KIT: variants seen among roughly 807,000 people sequenced by gnomAD.
The protein encoded by KIT is mast/stem cell growth factor receptor Kit.
A neutral mutation model predicts 105.7 loss-of-function variants in KIT; 16 were observed. The observed-to-expected ratio is 0.15, with a 90% CI of 0.10 to 0.23. The LOEUF (loss-of-function observed/expected upper bound fraction) is 0.23, where lower values mean the gene tolerates loss of function less well. Ranked by LOEUF, KIT falls within the 10% of genes least tolerant of loss-of-function variation. The pLI, the probability that KIT is intolerant of heterozygous loss-of-function variation, is 1.00. For synonymous variants in KIT, 438 were observed against 441.1 expected, an observed-to-expected ratio of 0.99 and a Z score of 0.09; for missense variants, 858 against 1,213.8, an observed-to-expected ratio of 0.71 and a Z score of 4.36.
rs80160838 is a variant in KIT, at chr4:54,725,650, C to T, written c.1347-207C>T. ...CATCAGGATTCAAACCCGCATCTGA[C>T]TCCGAAGCCTCCTCTGCCTTCTCTT... On this transcript the variant is annotated intron_variant, in intron 8 of 20. Coordinates refer to ENST00000288135, the MANE Select transcript of KIT (RefSeq NM_000222.3). Among the ~76,000 whole-genome samples, 3,511 of 152,230 alleles carry T rather than the reference C, an allele frequency of 0.023. 130 individuals are homozygous for T. Among genetic ancestry groups the T allele is most frequent in the African/African-American group, 0.078 (3,250 of 41,496 alleles).
intron 1 of KIT, among the ~76,000 whole-genome samples, chr4:54,664,900 T>C (rs546336050): frequency 6.6e-6 from 1 of 152,098 alleles, no homozygotes; most frequent in South Asian, 2.1e-4. Context: ...TTTTTTTTTT[T>C]TTTAATAGTA....
Position 54,688,589 on chromosome 4 carries a change from G to A in KIT, c.68-6923G>A, listed in dbSNP as rs145797696. 4.6e-3 allele frequency among the ~76,000 whole-genome samples: 708 copies of A among 152,326 alleles called. 4 individuals carry two copies. Among genetic ancestry groups the A allele is most frequent in the African/African-American group, 0.016 (664 of 41,576 alleles). On this transcript the variant is annotated intron_variant, in intron 1 of 20. Transcript: ENST00000288135. The stretch of plus-strand genomic sequence containing the variant: ...CTTTTGTGAAGGATAGAAAGACCTT[G>A]CAGTCATGGTTGACCTGGGCCAGCC...
chr4:54,708,285 T>C (rs1024145058), intron 6 of KIT, among the ~76,000 whole-genome samples: 1 of 152,076 alleles, frequency 6.6e-6, no homozygotes, highest in African/African-American at 2.4e-5. Context: ...AGGTAGGAAG[T>C]ATCTTTTGCC....
chr4:54,732,045 ATTTTTTTTTT>A (rs71662297), intron 16 of KIT, 47 bp downstream of exon 16: 14 of 888,854 alleles, frequency 1.6e-5, no homozygotes, highest in East Asian at 9.5e-5. Flanking sequence ...TGTTTTTTTG[ATTTTTTTTTT>A]TTTTTTTTTT....
Position 54,699,793 on chromosome 4 carries a change from T to C in KIT, c.756+27T>C, listed in dbSNP as rs1305451594. ...TGAGTGAATCGCTTCATTCTTCTCA[T>C]GTTCTGTCTCTGTGGGAGATGATAA... On this transcript the variant is annotated intron_variant, in intron 4 of 20. Transcript: ENST00000288135. The C allele has an allele frequency of 2.5e-6, 4 of 1,613,164 alleles. No individual in the cohort carries two copies. The South Asian group carries it at 3.3e-5, about 13-fold the overall frequency.
intron 1 of KIT, among the ~76,000 whole-genome samples, chr4:54,682,985 C>T (rs1404253667): frequency 6.6e-6 from 1 of 152,004 alleles, no homozygotes; most frequent in East Asian, 1.9e-4. Flanking sequence ...CTCCTGGTCT[C>T]AAGTGATCCT....
intron 13 of KIT, 151 bp from the exon 14 acceptor site, chr4:54,729,184 G>A (rs1722427646): frequency 2.6e-6 from 2 of 760,662 alleles, no homozygotes; most frequent in South Asian, 3.3e-5. Flanking sequence ...TTGATAAGCA[G>A]TGTTAATATA....
intron 2 of KIT, among the ~76,000 whole-genome samples, chr4:54,697,237 G>A (rs1261059370): frequency 2.0e-5 from 3 of 152,170 alleles, no homozygotes; most frequent in South Asian, 2.1e-4. Flanking sequence ...GAATAAATTA[G>A]TAAGGTTGGG....
At chr4:54,709,222 C>T (rs1720983714) in intron 6 of KIT, among the ~76,000 whole-genome samples, 1 of 152,196 alleles carries the variant, frequency 6.6e-6, no homozygotes, top group African/African-American at 2.4e-5. Context: ...TCTGTGGTCT[C>T]TCACAACAGG....
At chr4:54,659,071 G>C (rs1371710584) in intron 1 of KIT, among the ~76,000 whole-genome samples, 2 of 152,014 alleles carry the variant, frequency 1.3e-5, no homozygotes, top group Admixed American at 6.5e-5. Context: ...ACCTGTATTC[G>C]CAGGTCCTGT....
chr4:54,723,639 G>A lies in KIT; in HGVS notation c.1287G>A (p.Val429=), dbSNP rs563667772. ...DRLVNGMLQC[V]AAGFPEPTID... Reference sequence around the variant, plus strand: ...TCGTGAATGGCATGCTCCAATGTGTGGCAGCAGGATTCCCAGAGCCCACAA... The same window carrying A: ...TCGTGAATGGCATGCTCCAATGTGTAGCAGCAGGATTCCCAGAGCCCACAA... The change falls in exon 8 of 21, where the codon GTG becomes GTA. Residue 429 remains valine (V), a synonymous_variant. Coordinates refer to ENST00000288135, the MANE Select transcript of KIT (RefSeq NM_000222.3). The A allele has an allele frequency of 1.9e-6, 3 of 1,614,114 alleles. No individual in the cohort carries two copies. Among genetic ancestry groups the A allele is most frequent in the Non-Finnish European group, 2.5e-6 (3 of 1,180,008 alleles).
At chr4:54,717,573 G>T (rs952209030) in intron 7 of KIT, among the ~76,000 whole-genome samples, 4 of 152,162 alleles carry the variant, frequency 2.6e-5, no homozygotes, top group Admixed American at 2.0e-4. Context: ...TTCGCTAAAA[G>T]CAGTGAGTGG....
chr4:54,658,930 C>T (rs1717025755), intron 1 of KIT, among the ~76,000 whole-genome samples: 1 of 152,146 alleles, frequency 6.6e-6, no homozygotes, highest in South Asian at 2.1e-4. Flanking sequence ...CTGTGTTTGC[C>T]GCCTGCTCCG....
intron 1 of KIT, among the ~76,000 whole-genome samples, chr4:54,684,504 T>C (rs1320203707): frequency 6.6e-6 from 1 of 152,188 alleles, no homozygotes; most frequent in Non-Finnish European, 1.5e-5. Flanking sequence ...TCCTTCTTTC[T>C]TTATTGCCAT....
Position 54,727,337 on chromosome 4 carries a change from T to A in KIT, c.1647+13T>A. 6.2e-7 allele frequency: 1 copy of A among 1,613,450 alleles called. No individual in the cohort carries two copies. The highest frequency in any genetic ancestry group is 8.5e-7 in the Non-Finnish European group (1 of 1,179,396). Reference sequence around the variant, plus strand: ...CAAATATTTACAGGTAACCATTTATTTGTTCTCTCTCCAGAGTGCTCTAAT... The same window carrying A: ...CAAATATTTACAGGTAACCATTTATATGTTCTCTCTCCAGAGTGCTCTAAT... On this transcript the variant is annotated intron_variant, in intron 10 of 20. Transcript: ENST00000288135.
intron 7 of KIT, among the ~76,000 whole-genome samples, chr4:54,710,547 G>GTT (rs200447017): frequency 6.6e-6 from 1 of 150,882 alleles, no homozygotes; most frequent in African/African-American, 2.4e-5. Context: ...TTGTGGTTTT[G>GTT]TTTTTTTTTG....
intron 3 of KIT, among the ~76,000 whole-genome samples, chr4:54,699,290 T>C (rs1228141901): frequency 1.3e-5 from 2 of 152,152 alleles, no homozygotes; most frequent in South Asian, 2.1e-4. Context: ...TAAGTAGTTG[T>C]TGGTCACATC....
intron 1 of KIT, among the ~76,000 whole-genome samples, chr4:54,663,393 T>A (rs1717437820): frequency 6.6e-6 from 1 of 152,206 alleles, no homozygotes; most frequent in Admixed American, 6.5e-5. Context: ...GCATGTAATA[T>A]GCTTAGCATA....
At chr4:54,725,710 G>A (rs1328750288) in intron 8 of KIT, 147 bp from the exon 9 acceptor site, 1 of 785,618 alleles carries the variant, frequency 1.3e-6, no homozygotes, top group African/African-American at 1.7e-5. Context: ...GGTCACCAAA[G>A]TGCTTATTCT....
Sources: gnomAD v4.1 joint callset for allele counts (sites outside exome capture counted in the v4.1 genomes callset) on GRCh38, gnomAD v4.1.1 for gene constraint, MANE v1.5 for transcripts, NCBI Gene and HGNC (gene_info 2026-07-23, HGNC 2026-07-21) for gene names.